The following NKAIN2 variants were observed in gnomAD, a reference collection of about 807,000 sequenced individuals.
NKAIN2 encodes sodium/potassium transporting ATPase interacting 2, also known as sodium/potassium-transporting ATPase subunit beta-1-interacting protein 2.
A neutral mutation model predicts 32.6 loss-of-function variants in NKAIN2; 14 were observed. That is an observed-to-expected ratio of 0.43 (90% confidence interval 0.28 to 0.67). The LOEUF (loss-of-function observed/expected upper bound fraction) is 0.67. Ranked by LOEUF, NKAIN2 falls within the 30% of genes least tolerant of loss-of-function variation. The pLI, the probability that NKAIN2 is intolerant of heterozygous loss-of-function variation, is 0.17. For synonymous variants in NKAIN2, 80 were observed against 87.2 expected (o/e 0.92, Z 0.46); for missense variants, 198 against 258.3 (o/e 0.77, Z 1.60).
intron 1 of NKAIN2, among the ~76,000 whole-genome samples, chr6:123,830,365 G>T (rs1424334629): frequency 6.6e-6 from 1 of 152,058 alleles, no homozygotes; most frequent in Non-Finnish European, 1.5e-5. Context: ...AGGCGTAAAG[G>T]CAAAACTCCT....
intron 1 of NKAIN2, among the ~76,000 whole-genome samples, chr6:123,830,868 C>T (rs11154190): frequency 0.14 from 20,929 of 152,114 alleles, 1,594 homozygotes; most frequent in Non-Finnish European, 0.18. Flanking sequence ...CAGTGACTGA[C>T]GAATGAATGA....
At position 124,064,350 on chromosome 6, in the gene NKAIN2, T is replaced by A. The variant is rs187796743; in HGVS notation, c.55-218655T>A. Among the ~76,000 whole-genome samples the A allele has an allele frequency of 1.8e-3, 269 of 152,322 alleles. 2 individuals carry two copies. The highest frequency in any genetic ancestry group is 5.9e-3 in the African/African-American group (244 of 41,578). ...TGCTTTTGCTAAAAAAATGTGAAATTTTGTTTTGGGAATAACCATATTAAA... is the reference window on the plus strand; with the variant it reads ...TGCTTTTGCTAAAAAAATGTGAAATATTGTTTTGGGAATAACCATATTAAA... On this transcript the variant is annotated intron_variant, in intron 1 of 6. Transcript: ENST00000368417.
At chr6:124,626,831 T>G (rs1026878847) in intron 3 of NKAIN2, among the ~76,000 whole-genome samples, 1 of 152,196 alleles carries the variant, frequency 6.6e-6, no homozygotes, top group Admixed American at 6.5e-5. Flanking sequence ...TCAAGACCTA[T>G]GTTCTTATTC....
At position 124,461,290 on chromosome 6, in the gene NKAIN2, T is replaced by A. The variant is rs2114647414; in HGVS notation, c.273+105943T>A. ...TTTTCTCTTTAGTGTAGCTTAATTG[T>A]GACCGTGTGTGTGTGTGTAGATACA... On this transcript the variant is annotated intron_variant, in intron 3 of 6. Coordinates refer to ENST00000368417, the MANE Select transcript of NKAIN2 (RefSeq NM_001040214.3). Among the ~76,000 whole-genome samples the A allele has an allele frequency of 1.3e-5, 2 of 151,926 alleles. 1 individual carries two copies. The highest frequency in any genetic ancestry group is 4.1e-4 in the South Asian group (2 of 4,832).
At chr6:124,541,426 A>G (rs1562246526) in intron 3 of NKAIN2, among the ~76,000 whole-genome samples, 1 of 152,196 alleles carries the variant, frequency 6.6e-6, no homozygotes, top group South Asian at 2.1e-4. Context: ...TAATTTATAT[A>G]GAGGGTTAGT....
chr6:124,768,921 T>G (rs6569398), intron 4 of NKAIN2, among the ~76,000 whole-genome samples: 1 of 152,178 alleles, frequency 6.6e-6, no homozygotes, highest in Non-Finnish European at 1.5e-5. Flanking sequence ...AAAGCTGTTT[T>G]GGGTCACCAC....
chr6:124,616,934 G>A (rs1278997181), intron 3 of NKAIN2, among the ~76,000 whole-genome samples: 3 of 152,006 alleles, frequency 2.0e-5, no homozygotes, highest in African/African-American at 7.2e-5. Flanking sequence ...GTCATGATAT[G>A]CCCTTCCTCA....
At chr6:124,135,030 G>T (rs1333395437) in intron 1 of NKAIN2, among the ~76,000 whole-genome samples, 1 of 152,062 alleles carries the variant, frequency 6.6e-6, no homozygotes, top group Non-Finnish European at 1.5e-5. Flanking sequence ...AGTCAGCCAA[G>T]AATTTTGTAT....
At chr6:124,696,935 G>A (rs776648491) in intron 4 of NKAIN2, among the ~76,000 whole-genome samples, 4 of 151,944 alleles carry the variant, frequency 2.6e-5, no homozygotes, top group Non-Finnish European at 4.4e-5. Context: ...GGTCACTTGC[G>A]ATTTAGTAAG....
chr6:124,790,172 A>T (rs1301743437), intron 4 of NKAIN2, among the ~76,000 whole-genome samples: 1 of 152,022 alleles, frequency 6.6e-6, no homozygotes, highest in Non-Finnish European at 1.5e-5. Context: ...CAAATTAGGG[A>T]CTTAAAAGTT....
At chr6:124,023,823 T>G (rs548551984) in intron 1 of NKAIN2, among the ~76,000 whole-genome samples, 1 of 152,130 alleles carries the variant, frequency 6.6e-6, no homozygotes, top group Non-Finnish European at 1.5e-5. Flanking sequence ...AGGCAAATAG[T>G]TGAGGAATTT....
chr6:124,042,200 A>G (rs1356079737), intron 1 of NKAIN2, among the ~76,000 whole-genome samples: 1 of 152,146 alleles, frequency 6.6e-6, no homozygotes, highest in African/African-American at 2.4e-5. Flanking sequence ...TGCCCCTCAA[A>G]CTATTCTTGT....
intron 4 of NKAIN2, among the ~76,000 whole-genome samples, chr6:124,681,633 T>A (rs1773624245): frequency 6.6e-6 from 1 of 152,082 alleles, no homozygotes; most frequent in Non-Finnish European, 1.5e-5. Flanking sequence ...GTTACTTTGC[T>A]TATTGCCAAA....
chr6:124,472,499 A>T (rs911877786), intron 3 of NKAIN2, among the ~76,000 whole-genome samples: 1 of 152,078 alleles, frequency 6.6e-6, no homozygotes, highest in Non-Finnish European at 1.5e-5. Flanking sequence ...TTGGGAGCAC[A>T]CATAGAACAA....
chr6:123,890,745 G>A (rs1773968685), intron 1 of NKAIN2, among the ~76,000 whole-genome samples: 1 of 152,048 alleles, frequency 6.6e-6, no homozygotes, highest in African/African-American at 2.4e-5. Context: ...GAATATGAAA[G>A]GGATAGTTAC....
intron 1 of NKAIN2, among the ~76,000 whole-genome samples, chr6:123,870,395 A>G (rs972924856): frequency 2.0e-5 from 3 of 152,108 alleles, no homozygotes; most frequent in Non-Finnish European, 4.4e-5. Context: ...AAAGACCTGA[A>G]GAAGTAGGAT....
intron 3 of NKAIN2, among the ~76,000 whole-genome samples, chr6:124,626,795 C>A (rs1445233130): frequency 2.6e-5 from 4 of 152,082 alleles, no homozygotes; most frequent in Non-Finnish European, 5.9e-5. Flanking sequence ...TAAGTGGGGG[C>A]TTAAAAACAG....
chr6:124,173,287 C>T (rs1360493470), intron 1 of NKAIN2, among the ~76,000 whole-genome samples: 1 of 152,002 alleles, frequency 6.6e-6, no homozygotes, highest in Non-Finnish European at 1.5e-5. Context: ...CATTTCATAA[C>T]ACCAACCTGT....
At chr6:124,317,323 A>G (rs1474263961) in intron 2 of NKAIN2, among the ~76,000 whole-genome samples, 1 of 152,120 alleles carries the variant, frequency 6.6e-6, no homozygotes, top group East Asian at 1.9e-4. Flanking sequence ...AGGTTCCACC[A>G]TATTGCAAGT....
Sources: gnomAD v4.1 joint callset for allele counts (sites outside exome capture counted in the v4.1 genomes callset) on GRCh38, gnomAD v4.1.1 for gene constraint, MANE v1.5 for transcripts, NCBI Gene and HGNC (gene_info 2026-07-23, HGNC 2026-07-21) for gene names.